Variants in GRID1 observed in about 807,000 individuals in gnomAD.
The protein encoded by GRID1 is glutamate receptor ionotropic, delta-1.
In GRID1, 28 loss-of-function variants were observed where a neutral mutation model predicts 98.0. That is an observed-to-expected ratio of 0.29 (90% CI 0.21 to 0.39). The LOEUF is 0.39. GRID1 is among the 10% of genes least tolerant of loss of function. The pLI is 1.00. For synonymous variants in GRID1, 553 were observed against 538.5 expected, an observed-to-expected ratio of 1.03 and a Z score of -0.37; for missense variants, 1,111 against 1,340.5, an observed-to-expected ratio of 0.83 and a Z score of 2.67.
chr10:85,944,687 C>G (rs1842033845), intron 4 of GRID1, among the ~76,000 whole-genome samples: 1 of 152,058 alleles, frequency 6.6e-6, no homozygotes, highest in South Asian at 2.1e-4. Context: ...CTGGGGCAAA[C>G]ATGTATATCT....
chr10:85,863,294 G>A (rs1843183167), intron 6 of GRID1, among the ~76,000 whole-genome samples: 2 of 152,180 alleles, frequency 1.3e-5, no homozygotes, highest in South Asian at 4.1e-4. Flanking sequence ...TGGAAGAGGA[G>A]AAGTCTGGTC....
intron 3 of GRID1, among the ~76,000 whole-genome samples, chr10:86,184,643 A>G (rs1240735921): frequency 6.6e-6 from 1 of 152,074 alleles, no homozygotes; most frequent in African/African-American, 2.4e-5. Flanking sequence ...CTATGTTCAC[A>G]CAAAAACACA....
chr10:86,049,409 G>T (rs1843468686), intron 4 of GRID1, among the ~76,000 whole-genome samples: 1 of 152,174 alleles, frequency 6.6e-6, no homozygotes, highest in African/African-American at 2.4e-5. Context: ...TCCTCTTAAA[G>T]ATATTATTTC....
At chr10:85,827,482 A>T (rs1842830333) in intron 8 of GRID1, among the ~76,000 whole-genome samples, 2 of 152,324 alleles carry the variant, frequency 1.3e-5, no homozygotes, top group South Asian at 2.1e-4. Context: ...GATAAATATG[A>T]GAAAATGTGA....
chr10:85,733,034 A>G (rs1031928295), intron 8 of GRID1, among the ~76,000 whole-genome samples: 3 of 152,212 alleles, frequency 2.0e-5, no homozygotes, highest in Non-Finnish European at 4.4e-5. Flanking sequence ...GAATAGTTTT[A>G]GATTTACAGA....
chr10:86,037,107 C>T (rs777285473), intron 4 of GRID1, among the ~76,000 whole-genome samples: 14 of 152,242 alleles, frequency 9.2e-5, no homozygotes, highest in South Asian at 2.1e-4. Context: ...CTTTCTGGAA[C>T]GGAAAATGGG....
chr10:86,216,280 G>A (rs1458541688), intron 2 of GRID1, among the ~76,000 whole-genome samples: 1 of 152,230 alleles, frequency 6.6e-6, no homozygotes, highest in East Asian at 1.9e-4. Flanking sequence ...TATCTTCAGG[G>A]TCAGGGCCTG....
intron 8 of GRID1, among the ~76,000 whole-genome samples, chr10:85,812,543 T>C (rs545392614): frequency 1.3e-5 from 2 of 152,166 alleles, no homozygotes; most frequent in East Asian, 3.9e-4. Flanking sequence ...CTTAATTTAC[T>C]TAAAAGACAT....
chr10:85,879,534 T>C (rs540661659), intron 5 of GRID1, among the ~76,000 whole-genome samples: 1 of 151,838 alleles, frequency 6.6e-6, no homozygotes, highest in Non-Finnish European at 1.5e-5. Flanking sequence ...GGGGACATAA[T>C]GAAAGGAAGG....
chr10:85,743,916 A>G lies in GRID1; in HGVS notation c.1234-14302T>C, dbSNP rs533771023. 1.2e-4 allele frequency among the ~76,000 whole-genome samples: 19 copies of G among 152,336 alleles called. No homozygotes were observed. The South Asian group carries it at 3.9e-3, about 32-fold the overall frequency. On this transcript the variant is annotated intron_variant, in intron 8 of 15. Transcript: ENST00000327946. ...AGGTGCATAGATAGTTCATAGATTA[A>G]GTAAAGAAGGGATTCTGTTTTCAAG...
chr10:85,676,118 G>A (rs1841142436), intron 12 of GRID1, among the ~76,000 whole-genome samples: 1 of 152,178 alleles, frequency 6.6e-6, no homozygotes, highest in Admixed American at 6.5e-5. Flanking sequence ...TTCTTCTTAT[G>A]GAAGGGAGGT....
chr10:86,026,274 A>T (rs1434574860), intron 4 of GRID1, among the ~76,000 whole-genome samples: 2 of 152,264 alleles, frequency 1.3e-5, no homozygotes, highest in East Asian at 3.8e-4. Flanking sequence ...TGAAACACAC[A>T]CGCATACATA....
At chr10:85,782,368 A>C (rs776553272) in intron 8 of GRID1, among the ~76,000 whole-genome samples, 1 of 152,260 alleles carries the variant, frequency 6.6e-6, no homozygotes, top group Non-Finnish European at 1.5e-5. Flanking sequence ...GTCTACTGAC[A>C]GCTTGAAAAC....
At chr10:85,865,910 TAC>T (rs1202278414) in intron 6 of GRID1, among the ~76,000 whole-genome samples, 15 of 72,426 alleles carry the variant, frequency 2.1e-4, no homozygotes, top group African/African-American at 5.4e-4. Flanking sequence ...TTTACATATA[TAC>T]ATATATATAT....
intron 3 of GRID1, among the ~76,000 whole-genome samples, chr10:86,142,214 C>A: frequency 6.6e-6 from 1 of 152,212 alleles, no homozygotes; most frequent in Admixed American, 6.5e-5. Flanking sequence ...AGCAGAACTG[C>A]CCAGTTGACC....
chr10:85,950,169 A>G (rs767299105), intron 4 of GRID1, among the ~76,000 whole-genome samples: 1 of 152,198 alleles, frequency 6.6e-6, no homozygotes, highest in Non-Finnish European at 1.5e-5. Context: ...GACAAAACAC[A>G]GTGGCAATGG....
intron 12 of GRID1, among the ~76,000 whole-genome samples, chr10:85,694,349 C>T (rs938061368): frequency 2.0e-5 from 3 of 151,736 alleles, no homozygotes; most frequent in African/African-American, 7.3e-5. Flanking sequence ...AGTACAACAT[C>T]TATGGAAAAC....
At chr10:85,669,620 T>C (rs927840102) in intron 12 of GRID1, among the ~76,000 whole-genome samples, 1 of 152,198 alleles carries the variant, frequency 6.6e-6, no homozygotes, top group Non-Finnish European at 1.5e-5. Flanking sequence ...CCAGCCCCGC[T>C]TCTCATGACT....
At chr10:85,896,491 C>T (rs1236483580) in intron 5 of GRID1, among the ~76,000 whole-genome samples, 1 of 152,234 alleles carries the variant, frequency 6.6e-6, no homozygotes, top group Middle Eastern at 3.4e-3. Context: ...AACTTCATCA[C>T]CTCTACTGGA....
Sources: gnomAD v4.1 joint callset for allele counts (sites outside exome capture counted in the v4.1 genomes callset) on GRCh38, gnomAD v4.1.1 for gene constraint, MANE v1.5 for transcripts, NCBI Gene and HGNC (gene_info 2026-07-23, HGNC 2026-07-21) for gene names.